Variants in PDE1C observed in about 807,000 individuals in gnomAD.
PDE1C encodes dual specificity calcium/calmodulin-dependent 3',5'-cyclic nucleotide phosphodiesterase 1C.
PDE1C carries 62 observed loss-of-function variants against 93.1 expected under a neutral mutation model. The observed-to-expected ratio is 0.67, with a 90% confidence interval of 0.54 to 0.82. The LOEUF is 0.82. Ranked by LOEUF, PDE1C falls within the 40% of genes least tolerant of loss-of-function variation. The pLI is 0.00. For missense variants in PDE1C, 742 were observed against 884.6 expected (o/e 0.84, Z 2.04); for synonymous variants, 325 against 310.1 (o/e 1.05, Z -0.50).
intron 2 of PDE1C, among the ~76,000 whole-genome samples, chr7:31,941,796 G>A (rs968368350): frequency 6.6e-6 from 1 of 152,176 alleles, no homozygotes; most frequent in Non-Finnish European, 1.5e-5. Context: ...AAGACAAAGA[G>A]TTTGTCACTT....
At chr7:31,618,140 G>C in the PDE1C span, among the ~76,000 whole-genome samples, 5 of 152,130 alleles carry the variant, frequency 3.3e-5, no homozygotes, top group African/African-American at 1.2e-4. Context: ...TAGGAGCAAG[G>C]ACTATGACTA....
chr7:31,744,035 G>C, the PDE1C span, among the ~76,000 whole-genome samples: 1 of 152,252 alleles, frequency 6.6e-6, no homozygotes, highest in Non-Finnish European at 1.5e-5. Context: ...ACAGGCGGGG[G>C]AACAGCCTTA....
At chr7:32,008,484 G>A (rs1312109391) in intron 2 of PDE1C, among the ~76,000 whole-genome samples, 1 of 152,120 alleles carries the variant, frequency 6.6e-6, no homozygotes, top group Non-Finnish European at 1.5e-5. Flanking sequence ...CACCTGCCAG[G>A]TCCACCTTGG....
At chr7:32,355,218 A>G (rs1395434605) in intron 1 of PDE1C, among the ~76,000 whole-genome samples, 2 of 152,212 alleles carry the variant, frequency 1.3e-5, no homozygotes, top group African/African-American at 4.8e-5. Flanking sequence ...CGAACATGAA[A>G]GCTGCCCTGG....
chr7:32,313,182 T>G (rs1053149896), intron 1 of PDE1C, among the ~76,000 whole-genome samples: 1 of 152,108 alleles, frequency 6.6e-6, no homozygotes, highest in African/African-American at 2.4e-5. Context: ...ATCAGAGAAA[T>G]GCAAATCAAA....
chr7:31,681,967 C>T, the PDE1C span, among the ~76,000 whole-genome samples: 1 of 152,210 alleles, frequency 6.6e-6, no homozygotes, highest in African/African-American at 2.4e-5. Flanking sequence ...TATTCTCTCA[C>T]TCTCAAGCAG....
the PDE1C span, among the ~76,000 whole-genome samples, chr7:31,676,244 T>C: frequency 1.3e-5 from 2 of 152,200 alleles, no homozygotes; most frequent in South Asian, 4.1e-4. Flanking sequence ...CAGTCCTAAA[T>C]CCTGGCAATA....
intron 2 of PDE1C, among the ~76,000 whole-genome samples, chr7:31,922,231 ACT>A (rs949166462): frequency 1.3e-5 from 2 of 152,082 alleles, no homozygotes; most frequent in African/African-American, 4.8e-5. Flanking sequence ...TTTTGTGTAG[ACT>A]CTATTTAACA....
In PDE1C at chr7:32,012,898, T is replaced by G. The variant is rs373098165; in HGVS notation, c.128+38656A>C. 9.2e-5 allele frequency among the ~76,000 whole-genome samples: 14 copies of G among 152,320 alleles called. No homozygotes were observed. The South Asian group carries it at 2.9e-3, about 32-fold the overall frequency. On this transcript the variant is annotated intron_variant, in intron 2 of 17. Coordinates refer to ENST00000396191, the MANE Select transcript of PDE1C (RefSeq NM_001191057.4). ...TCATTTTCCAGCTGTAAAATGATCATTCATAACATACATTTCACAGGATTA... is the reference window on the plus strand; with the variant it reads ...TCATTTTCCAGCTGTAAAATGATCAGTCATAACATACATTTCACAGGATTA...
At chr7:32,161,828 C>T (rs1801944230) in intron 3 of PDE1C, among the ~76,000 whole-genome samples, 1 of 152,196 alleles carries the variant, frequency 6.6e-6, no homozygotes, top group African/African-American at 2.4e-5. Context: ...GGATGAATAA[C>T]TCACACTTTG....
the PDE1C span, among the ~76,000 whole-genome samples, chr7:31,694,350 C>G: frequency 6.9e-6 from 1 of 145,224 alleles, no homozygotes; most frequent in Non-Finnish European, 1.5e-5. Context: ...AGATGCTTTG[C>G]AAACATTAAC....
intron 1 of PDE1C, among the ~76,000 whole-genome samples, chr7:32,212,646 G>A (rs531225156): frequency 6.6e-6 from 1 of 152,248 alleles, no homozygotes; most frequent in Admixed American, 6.5e-5. Context: ...CTTCCTGCCT[G>A]GCTCTGGCTC....
At chr7:32,280,850 T>C (rs11770877) in intron 1 of PDE1C, among the ~76,000 whole-genome samples, 60,687 of 151,974 alleles carry the variant, frequency 0.4, 12,814 homozygotes, top group East Asian at 0.53. Context: ...CAGAGTGTGG[T>C]GGTACACACC....
At chr7:31,946,304 C>A (rs1260300775) in intron 2 of PDE1C, among the ~76,000 whole-genome samples, 1 of 152,078 alleles carries the variant, frequency 6.6e-6, no homozygotes, top group Non-Finnish European at 1.5e-5. Flanking sequence ...TCTGAAACCC[C>A]TCATGGTCTT....
chr7:31,774,636 TATAA>T (rs1795711811), intron 17 of PDE1C, among the ~76,000 whole-genome samples: 1 of 152,194 alleles, frequency 6.6e-6, no homozygotes, highest in South Asian at 2.1e-4. Flanking sequence ...TCAATAGACA[TATAA>T]ATAAACTGTG....
chr7:32,038,743 G>A (rs1434086848), intron 2 of PDE1C, among the ~76,000 whole-genome samples: 1 of 152,126 alleles, frequency 6.6e-6, no homozygotes, highest in Non-Finnish European at 1.5e-5. Context: ...ATATCAAAGA[G>A]GGGGGATCAT....
chr7:31,729,687 A>G, the PDE1C span, among the ~76,000 whole-genome samples: 1 of 152,202 alleles, frequency 6.6e-6, no homozygotes, highest in African/African-American at 2.4e-5. Flanking sequence ...CCAAATTGTA[A>G]GCTTAGTCCA....
chr7:31,955,176 C>A (rs944122882), intron 2 of PDE1C, among the ~76,000 whole-genome samples: 1 of 152,118 alleles, frequency 6.6e-6, no homozygotes, highest in Non-Finnish European at 1.5e-5. Flanking sequence ...ACAGTGTGAT[C>A]GGATGTAGGG....
intron 2 of PDE1C, among the ~76,000 whole-genome samples, chr7:32,195,785 C>A (rs1182535275): frequency 6.6e-6 from 1 of 152,154 alleles, no homozygotes; most frequent in Non-Finnish European, 1.5e-5. Context: ...ACAGATTAAG[C>A]AAAGGAATAT....
Sources: allele counts gnomAD v4.1 joint callset (sites outside exome capture counted in the v4.1 genomes callset), GRCh38; gene constraint gnomAD v4.1.1; transcripts MANE v1.5; gene names NCBI Gene and HGNC (gene_info 2026-07-23, HGNC 2026-07-21).